Variants in NLGN1 observed in about 807,000 individuals in gnomAD.
The protein encoded by NLGN1 is neuroligin-1.
Under a neutral mutation model 65.5 loss-of-function variants are expected in NLGN1, and 12 were observed. That is an observed-to-expected ratio of 0.18 (90% CI 0.12 to 0.30). The LOEUF (loss-of-function observed/expected upper bound fraction) is 0.30, where lower values mean the gene tolerates loss of function less well. Ranked by LOEUF, NLGN1 falls within the 10% of genes least tolerant of loss-of-function variation. The probability of loss-of-function intolerance (pLI) is 1.00; values close to 1 mark genes in which losing one functional copy is unlikely to be tolerated. For missense variants in NLGN1, 750 were observed against 1,007.1 expected (o/e 0.74, Z 3.46); for synonymous variants, 350 against 359.5 (o/e 0.97, Z 0.30).
intron 3 of NLGN1, among the ~76,000 whole-genome samples, chr3:173,690,149 G>A (rs1328467041): frequency 6.6e-6 from 1 of 152,052 alleles, no homozygotes; most frequent in Non-Finnish European, 1.5e-5. Flanking sequence ...TTTTATAGGC[G>A]ACACTTAAAA....
intron 2 of NLGN1, among the ~76,000 whole-genome samples, chr3:173,574,061 T>TAA (rs1745098261): frequency 2.3e-5 from 1 of 43,496 alleles, no homozygotes; most frequent in African/African-American, 8.8e-5. Context: ...AGACTCCACC[T>TAA]CAAAAAAAAA....
At chr3:173,988,792 T>A (rs1720486638) in intron 4 of NLGN1, among the ~76,000 whole-genome samples, 1 of 152,132 alleles carries the variant, frequency 6.6e-6, no homozygotes, top group African/African-American at 2.4e-5. Flanking sequence ...TGATCCTACT[T>A]TTTCTTATTA....
chr3:173,776,502 A>T (rs1780318423), intron 3 of NLGN1, among the ~76,000 whole-genome samples: 1 of 152,030 alleles, frequency 6.6e-6, no homozygotes, highest in Non-Finnish European at 1.5e-5. Context: ...GTTAAGTGTC[A>T]ACTTGTTGTG....
intron 3 of NLGN1, among the ~76,000 whole-genome samples, chr3:173,780,715 G>C (rs985270673): frequency 1.3e-5 from 2 of 152,202 alleles, no homozygotes; most frequent in East Asian, 3.8e-4. Flanking sequence ...AGAGCAAGCA[G>C]TAATCTGAGA....
intron 2 of NLGN1, among the ~76,000 whole-genome samples, chr3:173,556,043 A>G (rs1216849526): frequency 3.9e-5 from 6 of 152,202 alleles, no homozygotes; most frequent in Non-Finnish European, 7.4e-5. Context: ...CTGTGTATTA[A>G]CAGTTTGTCT....
intron 4 of NLGN1, among the ~76,000 whole-genome samples, chr3:174,064,965 A>G (rs7649580): frequency 1.1e-3 from 161 of 151,682 alleles, no homozygotes; most frequent in Admixed American, 3.0e-3. Context: ...ATTAAAAAAT[A>G]TCTTAAAGAA....
intron 4 of NLGN1, among the ~76,000 whole-genome samples, chr3:174,066,564 C>CTGTGTGTGTGTGTGTGTG (rs761468491): frequency 5.0e-5 from 5 of 100,048 alleles, no homozygotes; most frequent in African/African-American, 2.1e-4. Context: ...CTCTCTCTCT[C>CTGTGTGTGTGTGTGTGTG]TGTGTGTGTG....
intron 3 of NLGN1, among the ~76,000 whole-genome samples, chr3:173,703,949 T>C (rs1432075612): frequency 1.3e-5 from 2 of 152,232 alleles, no homozygotes; most frequent in African/African-American, 4.8e-5. Context: ...TTTATAGGCC[T>C]ACCTGCATGG....
intron 3 of NLGN1, among the ~76,000 whole-genome samples, chr3:173,692,860 T>C (rs919282484): frequency 1.3e-5 from 2 of 152,050 alleles, no homozygotes; most frequent in Non-Finnish European, 2.9e-5. Context: ...AGAACACTGA[T>C]GGAAATAAGG....
chr3:173,612,410 A>G (rs781746224), intron 3 of NLGN1, among the ~76,000 whole-genome samples: 1 of 152,114 alleles, frequency 6.6e-6, no homozygotes, highest in Non-Finnish European at 1.5e-5. Flanking sequence ...GAAGTTTAAA[A>G]TCAAGGAGTG....
At chr3:173,669,602 C>A (rs1762191758) in intron 3 of NLGN1, among the ~76,000 whole-genome samples, 1 of 152,164 alleles carries the variant, frequency 6.6e-6, no homozygotes, top group Admixed American at 6.5e-5. Flanking sequence ...ACTAGTTACA[C>A]CCACAGCAAC....
chr3:173,636,974 C>T (rs1221644418), intron 3 of NLGN1, among the ~76,000 whole-genome samples: 1 of 152,070 alleles, frequency 6.6e-6, no homozygotes, highest in African/African-American at 2.4e-5. Flanking sequence ...ACAGTCTCAG[C>T]TGTTAACTTT....
intron 4 of NLGN1, among the ~76,000 whole-genome samples, chr3:173,874,710 G>C (rs1209615330): frequency 1.3e-5 from 2 of 152,108 alleles, no homozygotes; most frequent in Non-Finnish European, 2.9e-5. Context: ...CCTTGTCTTA[G>C]AGAAATAATA....
chr3:173,716,199 G>A (rs555670764), intron 3 of NLGN1, among the ~76,000 whole-genome samples: 16 of 152,214 alleles, frequency 1.1e-4, no homozygotes, highest in Admixed American at 1.3e-4. Flanking sequence ...CGATTTGAAG[G>A]AATTAATCTT....
chr3:173,611,388 A>G (rs1032686520), intron 3 of NLGN1, among the ~76,000 whole-genome samples: 4 of 152,002 alleles, frequency 2.6e-5, no homozygotes, highest in East Asian at 1.9e-4. Flanking sequence ...TTTAGAATGG[A>G]GGAACTAAAA....
intron 2 of NLGN1, among the ~76,000 whole-genome samples, chr3:173,553,354 G>A (rs544611566): frequency 4.9e-4 from 75 of 152,254 alleles, no homozygotes; most frequent in African/African-American, 1.7e-3. Context: ...GAATAGGAAT[G>A]GCAATTACTC....
At chr3:173,756,264 A>G (rs1777102624) in intron 3 of NLGN1, among the ~76,000 whole-genome samples, 1 of 151,936 alleles carries the variant, frequency 6.6e-6, no homozygotes, top group African/African-American at 2.4e-5. Context: ...CAAAGTATAA[A>G]TTTTTAAAAG....
intron 4 of NLGN1, among the ~76,000 whole-genome samples, chr3:174,100,735 A>T (rs944457572): frequency 6.6e-6 from 1 of 151,978 alleles, no homozygotes; most frequent in Admixed American, 6.6e-5. Context: ...TTCAATTAAG[A>T]AGTCACCTTC....
intron 4 of NLGN1, among the ~76,000 whole-genome samples, chr3:174,174,856 TC>T (rs1294887746): frequency 1.3e-5 from 2 of 152,002 alleles, no homozygotes; most frequent in Non-Finnish European, 2.9e-5. Flanking sequence ...GTTTCCATCA[TC>T]ATTTGTTTCA....
Sources: gnomAD v4.1 joint callset for allele counts (sites outside exome capture counted in the v4.1 genomes callset) on GRCh38, gnomAD v4.1.1 for gene constraint, MANE v1.5 for transcripts, NCBI Gene and HGNC (gene_info 2026-07-23, HGNC 2026-07-21) for gene names.